Variants in ALG9 observed in about 807,000 individuals in gnomAD.
ALG9 encodes ALG9 alpha-1,2-mannosyltransferase.
In ALG9, 55 loss-of-function variants were observed where a neutral mutation model predicts 81.8. The ratio of observed to expected loss-of-function variants is 0.67; its 90% CI spans 0.54 to 0.84. The LOEUF (loss-of-function observed/expected upper bound fraction) is 0.84, where lower values mean the gene tolerates loss of function less well. Among genes scored for constraint, ALG9 ranks in the 40% least tolerant of loss-of-function variants. ALG9 has a pLI of 0.00. For missense variants in ALG9, 629 were observed against 745.0 expected, an observed-to-expected ratio of 0.84 and a Z score of 1.81; for synonymous variants, 278 against 274.3, an observed-to-expected ratio of 1.01 and a Z score of -0.13.
At chr11:111,835,107 T>C (rs1474334092) in intron 13 of ALG9, among the ~76,000 whole-genome samples, 5 of 152,196 alleles carry the variant, frequency 3.3e-5, no homozygotes, top group African/African-American at 9.7e-5. Flanking sequence ...CAGAAGAGAA[T>C]TGGAAGTCTT....
chr11:111,848,074 CT>C (rs1168425679), intron 8 of ALG9, among the ~76,000 whole-genome samples: 5 of 152,104 alleles, frequency 3.3e-5, no homozygotes, highest in Admixed American at 3.3e-4. Context: ...ACACTAGACT[CT>C]TATCCCACTT....
chr11:111,855,024 G>T (rs1555142207), intron 6 of ALG9, among the ~76,000 whole-genome samples: 1 of 152,184 alleles, frequency 6.6e-6, no homozygotes, highest in Non-Finnish European at 1.5e-5. Flanking sequence ...AATAGTGAAT[G>T]AAAGGAATGG....
intron 3 of ALG9, among the ~76,000 whole-genome samples, chr11:111,868,297 T>C (rs773368837): frequency 1.6e-4 from 24 of 152,200 alleles, no homozygotes; most frequent in Admixed American, 8.5e-4. Flanking sequence ...CCACCGTACA[T>C]TGTACTTTTC....
intron 8 of ALG9, 135 bp downstream of exon 8, chr11:111,853,245 C>T (rs782664333): frequency 1.4e-6 from 1 of 729,012 alleles, no homozygotes. Context: ...ACTCAGATGT[C>T]ATTTTTAAAT....
intron 3 of ALG9, among the ~76,000 whole-genome samples, chr11:111,868,195 C>G (rs1277654041): frequency 6.6e-6 from 1 of 152,204 alleles, no homozygotes; most frequent in African/African-American, 2.4e-5. Flanking sequence ...GCATCATAGT[C>G]AAATTTCTGA....
chr11:111,814,720 C>T (rs559586788), intron 13 of ALG9: 2 of 152,250 alleles, frequency 1.3e-5, no homozygotes, highest in Middle Eastern at 3.4e-3. Context: ...GCCTATTCCT[C>T]CAGGGGAGAG....
At chr11:111,799,928 T>C (rs1219665437) in intron 14 of ALG9, among the ~76,000 whole-genome samples, 5 of 152,180 alleles carry the variant, frequency 3.3e-5, no homozygotes, top group African/African-American at 9.7e-5. Context: ...AAATAAGTGG[T>C]TCTTCCCTCC....
chr11:111,862,230 CTTTTTTTTCTTTTTTTTT>C (rs1566221826), intron 4 of ALG9, among the ~76,000 whole-genome samples: 2 of 143,534 alleles, frequency 1.4e-5, no homozygotes, highest in Admixed American at 6.9e-5. Context: ...TTACATGTTT[CTTTTTTTTCTTTTTTTTT>C]TTTTTTTTAG....
intron 6 of ALG9, among the ~76,000 whole-genome samples, chr11:111,856,276 C>CAAAAAAAAA (rs1175162630): frequency 5.2e-5 from 2 of 38,584 alleles, no homozygotes; most frequent in African/African-American, 7.5e-5. Context: ...GACTCCATCT[C>CAAAAAAAAA]AAAAAAAAAA....
At chr11:111,859,735 C>T (rs1416958361) in intron 5 of ALG9, among the ~76,000 whole-genome samples, 4 of 151,954 alleles carry the variant, frequency 2.6e-5, no homozygotes, top group South Asian at 2.1e-4. Context: ...GACATCTCTG[C>T]AGAACAACAT....
At chr11:111,854,867 A>G (rs1555142092) in intron 6 of ALG9, among the ~76,000 whole-genome samples, 1 of 152,260 alleles carries the variant, frequency 6.6e-6, no homozygotes, top group East Asian at 1.9e-4. Flanking sequence ...AGCAGTATCT[A>G]GCACAAAGCA....
At chr11:111,775,885 C>T in the ALG9 span, among the ~76,000 whole-genome samples, 56 of 152,252 alleles carry the variant, frequency 3.7e-4, no homozygotes, top group African/African-American at 1.3e-3. Flanking sequence ...GCGGCTCAGG[C>T]GTCAGACTGC....
intron 9 of ALG9, among the ~76,000 whole-genome samples, chr11:111,841,346 G>A (rs1555123659): frequency 6.6e-6 from 1 of 152,198 alleles, no homozygotes; most frequent in African/African-American, 2.4e-5. Context: ...AAATGACGGA[G>A]TTTGTTTCAA....
intron 9 of ALG9, among the ~76,000 whole-genome samples, chr11:111,842,543 T>A (rs1555124941): frequency 6.6e-6 from 1 of 152,070 alleles, no homozygotes; most frequent in Non-Finnish European, 1.5e-5. Flanking sequence ...CACCTCAGCC[T>A]CCCAAGTAGC....
chr11:111,868,362 T>G (rs1282642345), intron 3 of ALG9, among the ~76,000 whole-genome samples: 2 of 152,258 alleles, frequency 1.3e-5, no homozygotes, highest in African/African-American at 2.4e-5. Context: ...TCTTCTCCAC[T>G]AAACCACAAG....
chr11:111,816,402 A>AG (rs1555097236), intron 13 of ALG9, among the ~76,000 whole-genome samples: 1 of 151,912 alleles, frequency 6.6e-6, no homozygotes, highest in Non-Finnish European at 1.5e-5. Context: ...ATGCGCCACC[A>AG]GGCCTAGTTA....
intron 4 of ALG9, among the ~76,000 whole-genome samples, chr11:111,861,819 AG>A (rs1329185172): frequency 6.6e-6 from 1 of 150,614 alleles, no homozygotes; most frequent in Non-Finnish European, 1.5e-5. Flanking sequence ...GTCTGTATTT[AG>A]CTCTTGGTCT....
intron 13 of ALG9, among the ~76,000 whole-genome samples, chr11:111,832,227 T>C (rs1412823126): frequency 6.6e-6 from 1 of 152,228 alleles, no homozygotes; most frequent in Non-Finnish European, 1.5e-5. Flanking sequence ...ATTTATGCAC[T>C]TTTAACCATT....
chr11:111,836,049 T>C, intron 13 of ALG9, 116 bp downstream of exon 13: 1 of 1,434,944 alleles, frequency 7.0e-7, no homozygotes, highest in Non-Finnish European at 9.7e-7. Flanking sequence ...GCACCCGGCC[T>C]TAAAAAAATT....
Sources: gnomAD v4.1 joint callset for allele counts (sites outside exome capture counted in the v4.1 genomes callset) on GRCh38, gnomAD v4.1.1 for gene constraint, MANE v1.5 for transcripts, NCBI Gene and HGNC (gene_info 2026-07-23, HGNC 2026-07-21) for gene names.